The following CNDP2 variants were observed in gnomAD, a reference collection of about 807,000 sequenced individuals.
The protein encoded by CNDP2 is cytosolic non-specific dipeptidase.
A neutral mutation model predicts 55.0 loss-of-function variants in CNDP2; 38 were observed. That is an observed-to-expected ratio of 0.69 (90% confidence interval 0.53 to 0.90). The LOEUF (loss-of-function observed/expected upper bound fraction) is 0.90, where lower values mean the gene tolerates loss of function less well. Among genes scored for constraint, CNDP2 ranks in the 40% least tolerant of loss-of-function variants. The pLI is 0.00. For synonymous variants in CNDP2, 241 were observed against 260.2 expected, an observed-to-expected ratio of 0.93 and a Z score of 0.71; for missense variants, 607 against 621.7, an observed-to-expected ratio of 0.98 and a Z score of 0.25.
chr18:74,517,708 C>T (rs991701825), intron 9 of CNDP2: 3 of 151,876 alleles, frequency 2.0e-5, no homozygotes, highest in South Asian at 2.1e-4. Context: ...ATGGCGCAAA[C>T]GCAGCTTCTC....
intron 3 of CNDP2, among the ~76,000 whole-genome samples, chr18:74,505,404 C>T (rs749961071): frequency 2.0e-5 from 3 of 151,998 alleles, no homozygotes; most frequent in African/African-American, 7.2e-5. Flanking sequence ...TTCGAGACCA[C>T]CGTGCGGGCA....
chr18:74,499,662 A>T, intron 1 of CNDP2: 1 of 359,002 alleles, frequency 2.8e-6, no homozygotes, highest in Non-Finnish European at 5.0e-6. Context: ...TCTTCAACTC[A>T]GGCCCTCCCT....
intron 8 of CNDP2, among the ~76,000 whole-genome samples, chr18:74,514,612 A>G (rs62099868): frequency 7.4e-5 from 6 of 81,356 alleles, no homozygotes; most frequent in African/African-American, 1.4e-4. Context: ...TCTGCAGGCT[A>G]TAGGTTTATG....
intron 7 of CNDP2, among the ~76,000 whole-genome samples, chr18:74,512,766 C>T (rs1302884171): frequency 6.6e-6 from 1 of 152,184 alleles, no homozygotes; most frequent in Non-Finnish European, 1.5e-5. Flanking sequence ...TGAAACCTTG[C>T]CCTGCCTCCA....
At position 74,521,874 on chromosome 18, in the gene CNDP2, A is replaced by G. The variant is rs544801210; in HGVS notation, c.*1806A>G. ...AAGCACCTCCCAAGGGGAAAACAGT[A>G]ACTTCACAGTGGAGAGACCTGGCAG... On this transcript the variant is annotated 3_prime_UTR_variant, in exon 12 of 12. Transcript: ENST00000324262. 2 of 152,396 alleles carry G rather than the reference A, an allele frequency of 1.3e-5. No homozygotes were observed. The highest frequency in any genetic ancestry group is 2.9e-5 in the Non-Finnish European group (2 of 68,056). The allele number at this position is 152,396 out of a possible 1,614,324, so 9.4% of individuals were successfully genotyped here.
Position 74,500,045 on chromosome 18 carries a change from T to C in CNDP2, c.60+12T>C, listed in dbSNP as rs1978608929. On this transcript the variant is annotated intron_variant, in intron 2 of 11. Coordinates refer to ENST00000324262, the MANE Select transcript of CNDP2 (RefSeq NM_018235.3). The stretch of plus-strand genomic sequence containing the variant: ...ATCGCTACATTAAGGTAAGGGAATA[T>C]TCATTTTAGGAAACAGTAAAATCTG... 4 of 1,610,458 alleles carry C rather than the reference T, an allele frequency of 2.5e-6. No homozygotes were observed. The highest frequency in any genetic ancestry group is 2.2e-5 in the East Asian group (1 of 44,862).
At chr18:74,506,038 C>A in intron 4 of CNDP2, 27 bp downstream of exon 4, 1 of 1,527,680 alleles carries the variant, frequency 6.5e-7, no homozygotes, top group South Asian at 1.3e-5. Context: ...TATGCGTGCC[C>A]AGAGGAAAGG....
In CNDP2 at chr18:74,511,020, T is replaced by TG. The variant is rs769192423; in HGVS notation, c.657+8dup. ...TTGCTACTTTTTCATCGAGGTACAGTGCCAAGCTGTACGGGTCACTTCTTT... is the reference window on the plus strand; with the variant it reads ...TTGCTACTTTTTCATCGAGGTACAGTGGCCAAGCTGTACGGGTCACTTCTTT... On this transcript the variant is annotated splice_region_variant and intron_variant, in intron 6 of 11. Coordinates refer to ENST00000324262, the MANE Select transcript of CNDP2 (RefSeq NM_018235.3). The TG allele has an allele frequency of 1.2e-6, 2 of 1,611,378 alleles. No individual in the cohort carries two copies. The highest frequency in any genetic ancestry group is 2.2e-5 in the South Asian group (2 of 90,986).
At chr18:74,514,742 A>G (rs1279539526) in intron 8 of CNDP2, among the ~76,000 whole-genome samples, 4 of 152,060 alleles carry the variant, frequency 2.6e-5, no homozygotes, top group African/African-American at 9.7e-5. Context: ...TGCGGTACGG[A>G]TGTAAGTTCT....
intron 8 of CNDP2, chr18:74,513,963 C>T (rs1197185472): frequency 6.7e-6 from 3 of 447,730 alleles, no homozygotes; most frequent in Non-Finnish European, 1.2e-5. Context: ...CATGGGCTGG[C>T]TCCTGCTGGC....
rs200391267 is a variant in CNDP2, at chr18:74,510,966, C to G, written c.610C>G (p.Pro204Ala). ...SDNYWLGKKK[P>A]CITYGLRGIC... The stretch of plus-strand genomic sequence containing the variant: ...CAATTACTGGCTGGGAAAGAAGAAG[C>G]CCTGCATCACCTACGGCCTCAGGGG... The change falls in exon 6 of 12, where the codon CCC becomes GCC. Residue 204 changes from proline (P) to alanine (A), a missense_variant. Pro to Ala is a conservative substitution (Grantham distance 27). Transcript: ENST00000324262. 3.8e-5 allele frequency: 61 copies of G among 1,614,160 alleles called. No homozygotes were observed. The highest frequency in any genetic ancestry group is 4.7e-5 in the Non-Finnish European group (56 of 1,180,022).
chr18:74,508,608 T>G, intron 4 of CNDP2: 18 of 440,488 alleles, frequency 4.1e-5, no homozygotes, highest in South Asian at 1.4e-4. Flanking sequence ...GTGACCACGG[T>G]GGGAGAAGGA....
In CNDP2 at chr18:74,508,911, T is replaced by A; in HGVS notation, c.439T>A (p.Tyr147Asn). The A allele has an allele frequency of 6.2e-7, 1 of 1,614,078 alleles. No individual in the cohort carries two copies. The highest frequency in any genetic ancestry group is 1.1e-5 in the South Asian group (1 of 91,078). ...VAGWINALEAYQKTGQEIPVN... is the reference protein window; with the variant it reads ...VAGWINALEANQKTGQEIPVN... ...CGGCTGGATAAACGCCCTGGAAGCGTATCAGAAAACAGGCCAGGTATGCCC... is the reference window on the plus strand; with the variant it reads ...CGGCTGGATAAACGCCCTGGAAGCGAATCAGAAAACAGGCCAGGTATGCCC... The change falls in exon 5 of 12, where the codon TAT (tyrosine) becomes AAT (asparagine). Residue 147 changes from tyrosine to asparagine, a missense_variant. Coordinates refer to ENST00000324262, the MANE Select transcript of CNDP2 (RefSeq NM_018235.3).
intron 7 of CNDP2, 40 bp from the exon 8 acceptor site, chr18:74,513,519 G>C (rs1199870373): frequency 6.3e-7 from 1 of 1,578,266 alleles, no homozygotes; most frequent in Non-Finnish European, 8.6e-7. Flanking sequence ...CCTTGGTGCG[G>C]CCTCCCCTGA....
chr18:74,503,642 G>A (rs1272850901), intron 3 of CNDP2, among the ~76,000 whole-genome samples: 1 of 152,270 alleles, frequency 6.6e-6, no homozygotes, highest in East Asian at 1.9e-4. Flanking sequence ...GGCCAGCTGG[G>A]ACTGCCAAAG....
rs1444388469 is a variant in CNDP2 at position 74,522,969 on chromosome 18, C to T, written c.*2901C>T. On this transcript the variant is annotated 3_prime_UTR_variant, in exon 12 of 12. Transcript: ENST00000324262. ...CGGAGGAAATCAGAGTGGTGTTCTA[C>T]TAGAAGGCCGATGACTCCTGGGTAA... 6.6e-6 allele frequency: 1 copy of T among 152,278 alleles called. No individual in the cohort carries two copies. The highest frequency in any genetic ancestry group is 1.5e-5 in the Non-Finnish European group (1 of 68,046). The allele number at this position is 152,278 out of a possible 1,614,324, so 9.4% of individuals were successfully genotyped here.
chr18:74,518,689 C>G, intron 10 of CNDP2, 49 bp downstream of exon 10: 1 of 1,610,926 alleles, frequency 6.2e-7, no homozygotes. Context: ...CTTCGCACGT[C>G]TGACAGGACT....
At chr18:74,501,525 G>A (rs929707399) in intron 3 of CNDP2, 53 bp downstream of exon 3, 15 of 1,543,604 alleles carry the variant, frequency 9.7e-6, no homozygotes, top group Non-Finnish European at 1.2e-5. Flanking sequence ...TCTGCCTGAG[G>A]GGTTGACAAG....
chr18:74,496,846 C>T (rs1330879188), intron 1 of CNDP2, among the ~76,000 whole-genome samples: 1 of 152,198 alleles, frequency 6.6e-6, no homozygotes, highest in Non-Finnish European at 1.5e-5. Flanking sequence ...GCTGAGAACT[C>T]CAGCCTTTCT....
Sources: gnomAD v4.1 joint callset for allele counts (sites outside exome capture counted in the v4.1 genomes callset) on GRCh38, gnomAD v4.1.1 for gene constraint, MANE v1.5 for transcripts, NCBI Gene and HGNC (gene_info 2026-07-23, HGNC 2026-07-21) for gene names.